Variants in ZFYVE9 observed in about 807,000 individuals in gnomAD.
ZFYVE9 encodes the protein zinc finger FYVE-type containing 9.
ZFYVE9 carries 43 observed loss-of-function variants against 126.7 expected under a neutral mutation model. The ratio of observed to expected loss-of-function variants is 0.34; its 90% CI spans 0.27 to 0.44. The LOEUF (loss-of-function observed/expected upper bound fraction) is 0.44. Ranked by LOEUF, ZFYVE9 falls within the 20% of genes least tolerant of loss-of-function variation. ZFYVE9 has a pLI of 1.00. For missense variants in ZFYVE9, 1,476 were observed against 1,697.0 expected (o/e 0.87, Z 2.29); for synonymous variants, 521 against 597.4 (o/e 0.87, Z 1.87).
intron 3 of ZFYVE9, among the ~76,000 whole-genome samples, chr1:52,235,104 T>A: frequency 6.6e-6 from 1 of 152,314 alleles, no homozygotes; most frequent in East Asian, 1.9e-4. Flanking sequence ...GCTTACAGAA[T>A]AATAACTCCT....
At chr1:52,302,144 AT>A (rs567113957) in intron 12 of ZFYVE9, among the ~76,000 whole-genome samples, 1 of 151,424 alleles carries the variant, frequency 6.6e-6, no homozygotes, top group Admixed American at 6.6e-5. Flanking sequence ...CCATGGATTG[AT>A]TTTTTTTCCT....
intron 1 of ZFYVE9, among the ~76,000 whole-genome samples, chr1:52,204,613 G>A (rs1384904342): frequency 3.3e-5 from 5 of 152,010 alleles, no homozygotes; most frequent in Admixed American, 2.0e-4. Context: ...TGTAATCCCA[G>A]CTACTCAAGA....
At chr1:52,284,551 C>G (rs927797992) in intron 10 of ZFYVE9, among the ~76,000 whole-genome samples, 7 of 152,016 alleles carry the variant, frequency 4.6e-5, no homozygotes, top group Non-Finnish European at 1.0e-4. Context: ...TCCCAAGTAG[C>G]TGGGACTACA....
At chr1:52,342,427 G>A (rs888200477) in intron 17 of ZFYVE9, among the ~76,000 whole-genome samples, 5 of 151,034 alleles carry the variant, frequency 3.3e-5, no homozygotes, top group East Asian at 3.9e-4. Context: ...TACCACGCCC[G>A]ACTAATTTTT....
chr1:52,263,785 T>C lies in ZFYVE9; in HGVS notation c.2191T>C (p.Ser731Pro). The change falls in exon 5 of 19, where the codon TCC (serine) becomes CCC (proline). Residue 731 changes from serine (S) to proline (P), a missense_variant. Coordinates refer to ENST00000287727, the MANE Select transcript of ZFYVE9 (RefSeq NM_004799.4). ...CCCCCCCCCACAGGTTTTCTGTGCT[T>C]CCTGCTGTAGCCTGAAATGTAAACT... Reference protein sequence around the residue: ...CRACGKVFCASCCSLKCKLLY... With the variant: ...CRACGKVFCAPCCSLKCKLLY... 1 of 1,090,552 alleles carries C rather than the reference T, an allele frequency of 9.2e-7. No homozygotes were observed. Among genetic ancestry groups the C allele is most frequent in the Non-Finnish European group, 1.3e-6 (1 of 781,798 alleles). 67.6% of individuals were successfully genotyped at this position (1,090,552 alleles called of 1,614,324 possible). A position where few individuals can be genotyped will look rare whatever the true frequency, so the allele number is the denominator to read the frequency against.
intron 4 of ZFYVE9, among the ~76,000 whole-genome samples, chr1:52,261,244 T>C (rs1229837136): frequency 6.7e-6 from 1 of 149,708 alleles, no homozygotes; most frequent in African/African-American, 2.5e-5. Context: ...TTTTTTTTTT[T>C]GAGACAGGGT....
At chr1:52,278,340 G>A (rs1645768091) in intron 8 of ZFYVE9, 152 bp from the exon 9 acceptor site, 4 of 943,846 alleles carry the variant, frequency 4.2e-6, no homozygotes, top group African/African-American at 1.7e-5. Context: ...ATTTGATACT[G>A]AGCCAGCAGA....
At chr1:52,302,082 A>G (rs757845548) in intron 12 of ZFYVE9, among the ~76,000 whole-genome samples, 8 of 152,180 alleles carry the variant, frequency 5.3e-5, no homozygotes, top group Non-Finnish European at 1.0e-4. Flanking sequence ...TATAATAACT[A>G]TTGTAATGCC....
intron 17 of ZFYVE9, among the ~76,000 whole-genome samples, chr1:52,344,030 C>T (rs1646463498): frequency 6.6e-6 from 1 of 151,848 alleles, no homozygotes. Flanking sequence ...AGAGGTCATG[C>T]CACTGCACTC....
At chr1:52,256,689 ATTG>A (rs1645523163) in intron 4 of ZFYVE9, among the ~76,000 whole-genome samples, 2 of 138,358 alleles carry the variant, frequency 1.4e-5, no homozygotes, top group Non-Finnish European at 3.2e-5. Context: ...GATAATTATT[ATTG>A]TTTTCTATTA....
chr1:52,346,261 A>G lies in ZFYVE9; in HGVS notation c.*40A>G. On this transcript the variant is annotated 3_prime_UTR_variant, in exon 19 of 19. Coordinates refer to ENST00000287727, the MANE Select transcript of ZFYVE9 (RefSeq NM_004799.4). The stretch of plus-strand genomic sequence containing the variant: ...ATTTTTTTCTGTTCAGACTTGTTGC[A>G]ACAGCAGTCATACCCAAATCATTTG... The G allele has an allele frequency of 6.6e-7, 1 of 1,516,890 alleles. No individual in the cohort carries two copies. Among genetic ancestry groups the G allele is most frequent in the Non-Finnish European group, 8.9e-7 (1 of 1,123,652 alleles). The allele number at this position is 1,516,890 out of a possible 1,614,324, so 94.0% of individuals were successfully genotyped here.
intron 1 of ZFYVE9, among the ~76,000 whole-genome samples, chr1:52,213,214 C>T (rs1216286687): frequency 1.3e-5 from 2 of 152,120 alleles, no homozygotes; most frequent in Non-Finnish European, 2.9e-5. Flanking sequence ...CTCTCTGTGT[C>T]TCCCTTTCCC....
chr1:52,171,955 G>A (rs1300560132), intron 1 of ZFYVE9, among the ~76,000 whole-genome samples: 9 of 152,098 alleles, frequency 5.9e-5, no homozygotes, highest in African/African-American at 2.4e-5. Flanking sequence ...TAGGTTGCCT[G>A]TTCACTCTGA....
At chr1:52,184,255 A>G (rs2124546059) in intron 1 of ZFYVE9, among the ~76,000 whole-genome samples, 1 of 135,392 alleles carries the variant, frequency 7.4e-6, no homozygotes. Flanking sequence ...ATGGATTTTC[A>G]CTCTTGTTGC....
At chr1:52,179,905 A>C in intron 1 of ZFYVE9, 1 of 1,000,942 alleles carries the variant, frequency 1.0e-6, no homozygotes, top group Non-Finnish European at 1.6e-6. Flanking sequence ...AGGGCATCTT[A>C]AAGTCTGAAA....
At chr1:52,174,762 C>T (rs199738016) in intron 1 of ZFYVE9, among the ~76,000 whole-genome samples, 7 of 152,052 alleles carry the variant, frequency 4.6e-5, no homozygotes, top group Non-Finnish European at 8.8e-5. Flanking sequence ...TATGTAATGG[C>T]CTTCTTTGTC....
intron 2 of ZFYVE9, among the ~76,000 whole-genome samples, chr1:52,222,584 G>T (rs922546021): frequency 2.6e-5 from 4 of 152,152 alleles, no homozygotes; most frequent in African/African-American, 9.7e-5. Flanking sequence ...GTTATAAGGG[G>T]GCATACAGGG....
intron 5 of ZFYVE9, 28 bp downstream of exon 5, chr1:52,263,900 A>C (rs2147797754): frequency 6.9e-7 from 1 of 1,458,172 alleles, no homozygotes; most frequent in Non-Finnish European, 9.4e-7. Flanking sequence ...TTGATTTCAT[A>C]GTTATTGAGA....
At position 52,237,681 on chromosome 1, in the gene ZFYVE9, T is replaced by G. The variant is rs1436613821; in HGVS notation, c.264T>G (p.Cys88Trp). The change falls in exon 4 of 19, where the codon TGT (cysteine) becomes TGG (tryptophan). Residue 88 changes from cysteine to tryptophan, a missense_variant. By Grantham distance (215) the Cys-to-Trp change is radical. Coordinates refer to ENST00000287727, the MANE Select transcript of ZFYVE9 (RefSeq NM_004799.4). ...APLTTEEEDH[C>W]ANGQDCNLNP... ...TGACCACAGAGGAAGAGGATCACTG[T>G]GCTAATGGACAGGACTGTAATCTAA... is the stretch of plus-strand genomic sequence containing the variant. 3 of 1,613,976 alleles carry G rather than the reference T, an allele frequency of 1.9e-6. No homozygotes were observed. Among genetic ancestry groups the G allele is most frequent in the Middle Eastern group, 1.6e-4 (1 of 6,084 alleles).
Sources: allele counts gnomAD v4.1 joint callset (sites outside exome capture counted in the v4.1 genomes callset), GRCh38; gene constraint gnomAD v4.1.1; transcripts MANE v1.5; gene names NCBI Gene and HGNC (gene_info 2026-07-23, HGNC 2026-07-21).